The following ZGLP1 variants were observed in gnomAD, a reference collection of about 807,000 sequenced individuals.
ZGLP1 encodes the protein GATA-type zinc finger protein 1.
In ZGLP1, 11 loss-of-function variants were observed where a neutral mutation model predicts 21.4. The observed-to-expected ratio is 0.51, with a 90% CI of 0.32 to 0.85. ZGLP1 has a LOEUF of 0.85. Ranked by LOEUF, ZGLP1 falls within the 40% of genes least tolerant of loss-of-function variation. ZGLP1 has a pLI of 0.03. For synonymous variants in ZGLP1, 148 were observed against 145.0 expected, an observed-to-expected ratio of 1.02 and a Z score of -0.15; for missense variants, 295 against 355.6, an observed-to-expected ratio of 0.83 and a Z score of 1.37.
chr19:10,308,528 C>A lies in ZGLP1; in HGVS notation c.154G>T (p.Glu52Ter). The A allele has an allele frequency of 6.2e-7, 1 of 1,607,060 alleles. No homozygotes were observed. Among genetic ancestry groups the A allele is most frequent in the Non-Finnish European group, 8.5e-7 (1 of 1,175,136 alleles). The change falls in exon 1 of 4, where the codon GAG (glutamate) becomes TAG (stop). Residue 52 changes from glutamate (E) to a stop codon, truncating the protein, a stop_gained. Transcript: ENST00000403903. LOFTEE classifies it high-confidence loss of function. The stretch of plus-strand genomic sequence containing the variant: ...AGGAAGCACAGGGCGGTGACCGACT[C>A]CTGGCATGCAGGCCAGAGGGACCTG...
chr19:10,308,903 A>C, exon 1 of ZGLP1: 1 of 382,294 alleles, frequency 2.6e-6, no homozygotes, highest in Non-Finnish European at 4.6e-6. Context: ...TCTTTTAGAG[A>C]CCGAGCCTCA....
chr19:10,306,791 G>A (rs1035421348), intron 1 of ZGLP1, among the ~76,000 whole-genome samples: 1 of 151,736 alleles, frequency 6.6e-6, no homozygotes, highest in Non-Finnish European at 1.5e-5. Context: ...CTCCACCCTG[G>A]GTGACAGAGC....
chr19:10,308,608 CA>C lies in ZGLP1; in HGVS notation c.73del (p.Trp25GlyfsTer107). ...TGGGTGACTCCTGGGTTTAGCCGGC[CA>C]GGGGGTTCCAACTTGGGCCGGCTCT... On this transcript the variant is annotated frameshift_variant, in exon 1 of 4. Coordinates refer to ENST00000403903, the Ensembl canonical transcript of ZGLP1. LOFTEE classifies it high-confidence loss of function. 1 of 1,545,750 alleles carries C rather than the reference CA, an allele frequency of 6.5e-7. No homozygotes were observed. Among genetic ancestry groups the C allele is most frequent in the Non-Finnish European group, 8.7e-7 (1 of 1,145,936 alleles).
exon 4 of ZGLP1, chr19:10,304,845 G>A (rs1300260391): frequency 1.8e-5 from 10 of 554,156 alleles, no homozygotes; most frequent in Middle Eastern, 4.7e-4. Context: ...CTGTAACAAT[G>A]CTCATCCTTC....
exon 1 of ZGLP1, chr19:10,308,373 C>G (rs1227473146): frequency 6.2e-7 from 1 of 1,607,860 alleles, no homozygotes; most frequent in Admixed American, 1.7e-5. Context: ...TGATCCTGGT[C>G]TGTGTGTCCT....
At chr19:10,308,758 C>CCCAG (rs1237242477) in exon 1 of ZGLP1, 1 of 1,343,384 alleles carries the variant, frequency 7.4e-7, no homozygotes, top group African/African-American at 1.4e-5. Context: ...CCCAGGCACG[C>CCCAG]CCAGCCCTCC....
chr19:10,308,099 C>G lies in ZGLP1; in HGVS notation c.497+86G>C, dbSNP rs1265785040. On this transcript the variant is annotated intron_variant, in intron 1 of 3. Transcript: ENST00000403903. ...GTAGAGCACAGGTGAGGGTCCACACCGACGCCAGAGAGCACCCCTACCTCC... is the reference window on the plus strand; with the variant it reads ...GTAGAGCACAGGTGAGGGTCCACACGGACGCCAGAGAGCACCCCTACCTCC... 5 of 1,486,156 alleles carry G rather than the reference C, an allele frequency of 3.4e-6. No individual in the cohort carries two copies. In the East Asian group the frequency reaches 1.1e-4, roughly 34 times the overall value. 92.1% of individuals were successfully genotyped at this position (1,486,156 alleles called of 1,614,324 possible). A position where few individuals can be genotyped will look rare whatever the true frequency, so the allele number is the denominator to read the frequency against.
rs763223960 is a variant in ZGLP1 at position 10,305,229 on chromosome 19, A to C, written c.699-21T>G. Reference sequence around the variant, plus strand: ...TGTACCTAGGGTTGGGGGACAAGAAACTGCCATTTAGGATGCAGTGGGGGC... The same window carrying C: ...TGTACCTAGGGTTGGGGGACAAGAACCTGCCATTTAGGATGCAGTGGGGGC... On this transcript the variant is annotated intron_variant, in intron 3 of 3. Transcript: ENST00000403903. This position sits in a 1 kb window ranked among gnomAD's most constrained non-coding sequence, Gnocchi z 4.7. 2.1e-4 allele frequency: 342 copies of C among 1,611,238 alleles called. 1 individual carries two copies. Among genetic ancestry groups the C allele is most frequent in the Non-Finnish European group, 2.5e-4 (298 of 1,177,670 alleles).
At chr19:10,309,565 G>A (rs1452708722) in exon 1 of ZGLP1, 1 of 152,712 alleles carries the variant, frequency 6.5e-6, no homozygotes, top group South Asian at 2.1e-4. Context: ...ACCTGGGAGG[G>A]GCGGGACCTG....
At chr19:10,308,294 G>T in exon 1 of ZGLP1, 2 of 1,611,510 alleles carry the variant, frequency 1.2e-6, no homozygotes. Flanking sequence ...GGGTTCAGCT[G>T]TTTCCGGGGC....
rs1426382804 is a variant in ZGLP1 at position 10,305,821 on chromosome 19, T to C, written c.604+25A>G. Reference sequence around the variant, plus strand: ...AGGAAATTGGCCCCCAAAATATTTATAGCTCTTGGGTTTTCAGGACTCACC... The same window carrying C: ...AGGAAATTGGCCCCCAAAATATTTACAGCTCTTGGGTTTTCAGGACTCACC... On this transcript the variant is annotated intron_variant, in intron 2 of 3. Transcript: ENST00000403903. The surrounding 1 kb of genome is among the most constrained non-coding windows in gnomAD (Gnocchi z 4.7). 3.6e-5 allele frequency: 55 copies of C among 1,522,014 alleles called. No homozygotes were observed. Among genetic ancestry groups the C allele is most frequent in the Non-Finnish European group, 4.8e-5 (54 of 1,120,084 alleles). 94.3% of individuals were successfully genotyped at this position (1,522,014 alleles called of 1,614,324 possible). A position where few individuals can be genotyped will look rare whatever the true frequency, so the allele number is the denominator to read the frequency against.
At chr19:10,308,061 G>T in intron 1 of ZGLP1, 124 bp downstream of exon 2, 1 of 1,344,468 alleles carries the variant, frequency 7.4e-7, no homozygotes, top group Non-Finnish European at 9.9e-7. Flanking sequence ...CCAGAGACTG[G>T]GCCACGTGTA....
In ZGLP1 at chr19:10,305,041, C is replaced by T; in HGVS notation, c.*50G>A. On this transcript the variant is annotated 3_prime_UTR_variant, in exon 4 of 4. Transcript: ENST00000403903. The surrounding 1 kb of genome is among the most constrained non-coding windows in gnomAD (Gnocchi z 4.7). Reference sequence around the variant, plus strand: ...GGAGAGCTGCTTCTGCCCATTCTCCCACTGGTGAAACGGAGGCAGAAGCAG... The same window carrying T: ...GGAGAGCTGCTTCTGCCCATTCTCCTACTGGTGAAACGGAGGCAGAAGCAG... 1 of 1,408,830 alleles carries T rather than the reference C, an allele frequency of 7.1e-7. No homozygotes were observed. The highest frequency in any genetic ancestry group is 1.0e-6 in the Non-Finnish European group (1 of 995,558). 87.3% of individuals were successfully genotyped at this position (1,408,830 alleles called of 1,614,324 possible). A position where few individuals can be genotyped will look rare whatever the true frequency, so the allele number is the denominator to read the frequency against.
At position 10,305,868 on chromosome 19, in the gene ZGLP1, G is replaced by A. The variant is rs1486367980; in HGVS notation, c.582C>T (p.His194=). ...CACCCAGGGCCTCGCTGCCTGCTGA[G>A]TGGGCCTCGGTGCCTCCTGGGTGGG... The change falls in exon 2 of 4, where the codon CAC becomes CAT. Residue 194 remains histidine, a synonymous_variant. Transcript: ENST00000403903. This position sits in a 1 kb window ranked among gnomAD's most constrained non-coding sequence, Gnocchi z 4.7. The A allele has an allele frequency of 6.4e-7, 1 of 1,558,316 alleles. No homozygotes were observed. Among genetic ancestry groups the A allele is most frequent in the Middle Eastern group, 1.7e-4 (1 of 5,998 alleles).
chr19:10,305,476 C>T lies in ZGLP1; in HGVS notation c.612G>A (p.Arg204=). Reference sequence around the variant, plus strand: ...TCTGGGTCCGACAGGAAGCACAGCGCCGGGGCTCTGAAGGGTCAGAGGTCA... The same window carrying T: ...TCTGGGTCCGACAGGAAGCACAGCGTCGGGGCTCTGAAGGGTCAGAGGTCA... The change falls in exon 3 of 4, where the codon CGG becomes CGA. Residue 204 remains arginine (R), a synonymous_variant. Coordinates refer to ENST00000403903, the Ensembl canonical transcript of ZGLP1. This position sits in a 1 kb window ranked among gnomAD's most constrained non-coding sequence, Gnocchi z 4.7. 8 of 1,594,724 alleles carry T rather than the reference C, an allele frequency of 5.0e-6. No homozygotes were observed. The highest frequency in any genetic ancestry group is 6.0e-6 in the Non-Finnish European group (7 of 1,170,846).
intron 1 of ZGLP1, among the ~76,000 whole-genome samples, chr19:10,307,872 T>C (rs1056673695): frequency 4.6e-5 from 7 of 152,244 alleles, no homozygotes; most frequent in Non-Finnish European, 1.0e-4. Flanking sequence ...AACCTCTTAT[T>C]GTTGTCACTA....
chr19:10,305,733 T>C lies in ZGLP1; in HGVS notation c.604+113A>G, dbSNP rs1198517400. ...GGAGGGGGGTGCTGCGACTCCTCCC[T>C]GAGGGCTCTAAATGGGGAAGCAAGA... On this transcript the variant is annotated intron_variant, in intron 2 of 3. Coordinates refer to ENST00000403903, the Ensembl canonical transcript of ZGLP1. The surrounding 1 kb of genome is among the most constrained non-coding windows in gnomAD (Gnocchi z 4.7). The C allele has an allele frequency of 2.2e-6, 2 of 908,042 alleles. No individual in the cohort carries two copies. Among genetic ancestry groups the C allele is most frequent in the Non-Finnish European group, 3.5e-6 (2 of 576,976 alleles). The allele number at this position is 908,042 out of a possible 1,614,324, so 56.2% of individuals were successfully genotyped here.
exon 1 of ZGLP1, chr19:10,308,666 C>T: frequency 6.7e-7 from 1 of 1,496,484 alleles, no homozygotes; most frequent in Non-Finnish European, 8.9e-7. Context: ...ACACACCCCA[C>T]CTGAGGTTCA....
rs772069649 is a variant in ZGLP1 at position 10,305,351 on chromosome 19, G to A, written c.698+39C>T. 36 of 1,557,746 alleles carry A rather than the reference G, an allele frequency of 2.3e-5. No individual in the cohort carries two copies. The Admixed American group carries it at 5.2e-4, about 22-fold the overall frequency. The stretch of plus-strand genomic sequence containing the variant: ...ATCCTGGTTACACGTGGACTGATTT[G>A]GGGACCCCCGCCCCAACTCCCTCCT... On this transcript the variant is annotated intron_variant, in intron 3 of 3. Transcript: ENST00000403903. This position sits in a 1 kb window ranked among gnomAD's most constrained non-coding sequence, Gnocchi z 4.7.
Sources: gnomAD v4.1 joint callset for allele counts (sites outside exome capture counted in the v4.1 genomes callset) on GRCh38, gnomAD v4.1.1 for gene constraint, Gnocchi (gnomAD v3.1) non-coding constraint, MANE v1.5 for transcripts, NCBI Gene and HGNC (gene_info 2026-07-23, HGNC 2026-07-21) for gene names.